The following ZNF143 variants were observed in gnomAD, a reference collection of about 807,000 sequenced individuals.
The protein encoded by ZNF143 is zinc finger protein 143.
In ZNF143, 49 loss-of-function variants were observed where a neutral mutation model predicts 74.1. The ratio of observed to expected loss-of-function variants is 0.66; its 90% CI spans 0.53 to 0.84. ZNF143 has a LOEUF of 0.84. Ranked by LOEUF, ZNF143 falls within the 40% of genes least tolerant of loss-of-function variation. The pLI is 0.00. For missense variants in ZNF143, 637 were observed against 793.4 expected (o/e 0.80, Z 2.37); for synonymous variants, 304 against 282.8 (o/e 1.07, Z -0.75).
intron 7 of ZNF143, among the ~76,000 whole-genome samples, chr11:9,483,593 C>T (rs1847339102): frequency 6.6e-6 from 1 of 150,562 alleles, no homozygotes; most frequent in Non-Finnish European, 1.5e-5. Context: ...CCATGCCTGA[C>T]CCCTATTTTA....
chr11:9,518,525 CA>C (rs1264530124), intron 14 of ZNF143, among the ~76,000 whole-genome samples: 1 of 152,060 alleles, frequency 6.6e-6, no homozygotes, highest in African/African-American at 2.4e-5. Flanking sequence ...CCAGCGTGGC[CA>C]AACATGGTGA....
At chr11:9,496,547 C>G (rs921511752) in intron 9 of ZNF143, among the ~76,000 whole-genome samples, 169 bp downstream of exon 9, 3 of 152,058 alleles carry the variant, frequency 2.0e-5, no homozygotes, top group Admixed American at 2.0e-4. Flanking sequence ...AGACCCCTCT[C>G]TGTTCTTTTC....
At chr11:9,486,373 T>TA (rs1847492194) in intron 7 of ZNF143, among the ~76,000 whole-genome samples, 1 of 37,366 alleles carries the variant, frequency 2.7e-5, no homozygotes, top group African/African-American at 1.1e-4. Context: ...TTATATATAA[T>TA]ATATTATATA....
chr11:9,502,885 C>T (rs1848218216), intron 11 of ZNF143, among the ~76,000 whole-genome samples: 1 of 152,050 alleles, frequency 6.6e-6, no homozygotes. Context: ...TAATGGAGTG[C>T]AGTGGCGCAA....
chr11:9,505,347 G>A (rs1307273592), intron 11 of ZNF143, among the ~76,000 whole-genome samples: 1 of 151,084 alleles, frequency 6.6e-6, no homozygotes, highest in Non-Finnish European at 1.5e-5. Context: ...TCAGCTCACT[G>A]CGACCTCTGC....
Position 9,527,529 on chromosome 11 carries a change from G to C in ZNF143, c.1834-1G>C. 6.2e-7 allele frequency: 1 copy of C among 1,614,008 alleles called. No individual in the cohort carries two copies. Reference sequence around the variant, plus strand: ...GTTTGATGTGTGTGTTCCTGTTTCAGCTTGGAGAACAGCCATCTCTGGAAG... The same window carrying C: ...GTTTGATGTGTGTGTTCCTGTTTCACCTTGGAGAACAGCCATCTCTGGAAG... On this transcript the variant is annotated splice_acceptor_variant, in intron 15 of 15. Coordinates refer to ENST00000396602, the MANE Select transcript of ZNF143 (RefSeq NM_003442.6). LOFTEE classifies it high-confidence loss of function.
At chr11:9,511,427 G>T (rs1193111012) in intron 12 of ZNF143, among the ~76,000 whole-genome samples, 1 of 151,466 alleles carries the variant, frequency 6.6e-6, no homozygotes, top group Non-Finnish European at 1.5e-5. Flanking sequence ...CCCCTGAGTA[G>T]CTGGGACTAC....
intron 7 of ZNF143, among the ~76,000 whole-genome samples, chr11:9,490,875 A>G (rs377193411): frequency 2.6e-5 from 4 of 152,070 alleles, no homozygotes; most frequent in East Asian, 3.9e-4. Context: ...TGGGACCACA[A>G]GTACATACCA....
intron 11 of ZNF143, among the ~76,000 whole-genome samples, chr11:9,502,595 G>A (rs1019198011): frequency 1.6e-5 from 2 of 126,594 alleles, no homozygotes; most frequent in Admixed American, 8.1e-5. Flanking sequence ...GAGCAAGAGC[G>A]AGACTCCATC....
chr11:9,464,591 A>G (rs939788946), intron 1 of ZNF143, among the ~76,000 whole-genome samples: 5 of 151,354 alleles, frequency 3.3e-5, no homozygotes, highest in Non-Finnish European at 7.4e-5. Flanking sequence ...ACAGAACAAG[A>G]CCCTGTCTCA....
At position 9,482,858 on chromosome 11, in the gene ZNF143, A is replaced by G. The variant is rs547567903; in HGVS notation, c.645+3312A>G. ...GATAAAAATAATGTAAAATATCAAT[A>G]ATTTCTTATATTGATAACGTTGAAA... On this transcript the variant is annotated intron_variant, in intron 7 of 15. Coordinates refer to ENST00000396602, the MANE Select transcript of ZNF143 (RefSeq NM_003442.6). 3.3e-5 allele frequency among the ~76,000 whole-genome samples: 5 copies of G among 151,550 alleles called. 2 individuals carry two copies. Among genetic ancestry groups the G allele is most frequent in the African/African-American group, 1.2e-4 (5 of 40,902 alleles).
intron 7 of ZNF143, among the ~76,000 whole-genome samples, chr11:9,493,899 G>A (rs1448720680): frequency 6.6e-6 from 1 of 152,126 alleles, no homozygotes; most frequent in Non-Finnish European, 1.5e-5. Context: ...GTATCATATG[G>A]ATTGTAATGT....
intron 2 of ZNF143, 58 bp from the exon 3 acceptor site, chr11:9,472,619 T>C: frequency 7.1e-7 from 1 of 1,416,092 alleles, no homozygotes; most frequent in South Asian, 1.2e-5. Context: ...GAAAAAAAAA[T>C]TAATCAGCAT....
intron 7 of ZNF143, among the ~76,000 whole-genome samples, chr11:9,494,243 C>T (rs1051059234): frequency 2.0e-5 from 3 of 152,202 alleles, no homozygotes; most frequent in African/African-American, 4.8e-5. Context: ...TGGAAACCCA[C>T]ATAACAGTTT....
At chr11:9,501,795 A>G (rs1484239077) in intron 11 of ZNF143, among the ~76,000 whole-genome samples, 5 of 152,078 alleles carry the variant, frequency 3.3e-5, no homozygotes, top group East Asian at 1.9e-4. Context: ...AAGTACATGT[A>G]GAAGATTTGT....
chr11:9,479,613 G>A, intron 7 of ZNF143, 67 bp downstream of exon 7: 1 of 1,303,332 alleles, frequency 7.7e-7, no homozygotes, highest in Non-Finnish European at 1.1e-6. Flanking sequence ...GTGGATGAAA[G>A]CAAGAATAGG....
chr11:9,492,331 C>T (rs907001557), intron 7 of ZNF143, among the ~76,000 whole-genome samples: 22 of 151,914 alleles, frequency 1.4e-4, no homozygotes, highest in South Asian at 6.2e-4. Flanking sequence ...AGACGGGTCT[C>T]GAACTTCCGT....
chr11:9,522,745 T>C (rs1287048513), intron 14 of ZNF143, among the ~76,000 whole-genome samples: 3 of 146,592 alleles, frequency 2.0e-5, no homozygotes, highest in East Asian at 2.1e-4. Flanking sequence ...CCACCCGCCT[T>C]GGCCTCCCAG....
rs369314208 is a variant in ZNF143, at chr11:9,514,904, G to A, written c.1525-1297G>A. On this transcript the variant is annotated intron_variant, in intron 13 of 15. Transcript: ENST00000396602. ...AGCACTTTGAGAGGCCAAGGCAGGC[G>A]GATCACCTGAGGTCAGGAGTTTGAG... Among the ~76,000 whole-genome samples, 37 of 152,296 alleles carry A rather than the reference G, an allele frequency of 2.4e-4. 1 individual carries two copies. The highest frequency in any genetic ancestry group is 8.7e-4 in the African/African-American group (36 of 41,552).
Sources: gnomAD v4.1 joint callset for allele counts (sites outside exome capture counted in the v4.1 genomes callset) on GRCh38, gnomAD v4.1.1 for gene constraint, MANE v1.5 for transcripts, NCBI Gene and HGNC (gene_info 2026-07-23, HGNC 2026-07-21) for gene names.